Variants in PDE1A observed in about 807,000 individuals in gnomAD.
PDE1A encodes dual specificity calcium/calmodulin-dependent 3',5'-cyclic nucleotide phosphodiesterase 1A.
PDE1A carries 35 observed loss-of-function variants against 61.7 expected under a neutral mutation model. The observed-to-expected ratio is 0.57, with a 90% CI of 0.43 to 0.75. The LOEUF (loss-of-function observed/expected upper bound fraction) is 0.75. Among genes scored for constraint, PDE1A ranks in the 30% least tolerant of loss-of-function variants. The pLI is 0.00. For synonymous variants in PDE1A, 232 were observed against 213.2 expected, an observed-to-expected ratio of 1.09 and a Z score of -0.77; for missense variants, 597 against 630.6, an observed-to-expected ratio of 0.95 and a Z score of 0.57.
At chr2:182,585,250 C>T in the PDE1A span, among the ~76,000 whole-genome samples, 1 of 152,120 alleles carries the variant, frequency 6.6e-6, no homozygotes. Context: ...AAATTAGATT[C>T]GTGATAGCAA....
At chr2:182,310,961 C>A (rs1695928279) in intron 1 of PDE1A, among the ~76,000 whole-genome samples, 1 of 152,196 alleles carries the variant, frequency 6.6e-6, no homozygotes, top group Non-Finnish European at 1.5e-5. Context: ...AAGCGCTCTG[C>A]TTCCATATCT....
chr2:182,677,800 G>A, the PDE1A span, among the ~76,000 whole-genome samples: 2 of 152,150 alleles, frequency 1.3e-5, no homozygotes, highest in Non-Finnish European at 2.9e-5. Flanking sequence ...AATGGTGCTG[G>A]GATAACTGGC....
the PDE1A span, among the ~76,000 whole-genome samples, chr2:182,528,802 G>A: frequency 6.6e-6 from 1 of 152,210 alleles, no homozygotes; most frequent in Non-Finnish European, 1.5e-5. Flanking sequence ...GTACAGCTCA[G>A]GCCATGGCTT....
At chr2:182,235,010 C>G (rs959930032) in intron 3 of PDE1A, among the ~76,000 whole-genome samples, 5 of 152,090 alleles carry the variant, frequency 3.3e-5, no homozygotes, top group African/African-American at 1.2e-4. Flanking sequence ...GGAAATCATA[C>G]TAGCAAAAAT....
chr2:182,357,644 C>T (rs540632363), intron 1 of PDE1A, among the ~76,000 whole-genome samples: 1 of 152,096 alleles, frequency 6.6e-6, no homozygotes, highest in Non-Finnish European at 1.5e-5. Context: ...CACTATTTCA[C>T]ATATATCAAA....
intron 1 of PDE1A, among the ~76,000 whole-genome samples, chr2:182,323,504 T>C (rs1418368607): frequency 6.6e-6 from 1 of 152,092 alleles, no homozygotes; most frequent in South Asian, 2.1e-4. Flanking sequence ...AAGAAAAAAA[T>C]GAATTTTTAA....
chr2:182,449,985 T>C (rs764251893), intron 2 of PDE1A, among the ~76,000 whole-genome samples: 8 of 152,112 alleles, frequency 5.3e-5, no homozygotes, highest in Non-Finnish European at 7.4e-5. Flanking sequence ...GGATCATCCA[T>C]GTAAAGCATT....
intron 1 of PDE1A, among the ~76,000 whole-genome samples, chr2:182,292,936 T>TTTCC (rs981630015): frequency 6.6e-6 from 1 of 152,074 alleles, no homozygotes; most frequent in Non-Finnish European, 1.5e-5. Context: ...CATTGTGAGG[T>TTTCC]TTCCAATTCA....
At chr2:182,638,103 T>C in the PDE1A span, among the ~76,000 whole-genome samples, 1 of 152,222 alleles carries the variant, frequency 6.6e-6, no homozygotes, top group Non-Finnish European at 1.5e-5. Context: ...TAATTAATAA[T>C]ATTGTACAAA....
At chr2:182,458,970 CTTG>C (rs1411252865) in intron 2 of PDE1A, among the ~76,000 whole-genome samples, 1 of 152,052 alleles carries the variant, frequency 6.6e-6, no homozygotes, top group African/African-American at 2.4e-5. Context: ...AATATCTTCT[CTTG>C]TTCTTTTTTA....
At chr2:182,669,650 C>G in the PDE1A span, among the ~76,000 whole-genome samples, 1 of 152,146 alleles carries the variant, frequency 6.6e-6, no homozygotes, top group South Asian at 2.1e-4. Context: ...GTCATTAATT[C>G]TGTTTATAAT....
At chr2:182,574,975 C>A in the PDE1A span, among the ~76,000 whole-genome samples, 3 of 152,230 alleles carry the variant, frequency 2.0e-5, no homozygotes, top group African/African-American at 7.2e-5. Flanking sequence ...CAAGCATGAG[C>A]CACCGTGCCT....
At chr2:182,690,750 G>A in the PDE1A span, among the ~76,000 whole-genome samples, 2 of 152,202 alleles carry the variant, frequency 1.3e-5, no homozygotes, top group Non-Finnish European at 2.9e-5. Context: ...GTCCCTGTCT[G>A]CAGATGACAT....
At chr2:182,685,996 G>A in the PDE1A span, among the ~76,000 whole-genome samples, 989 of 152,134 alleles carry the variant, frequency 6.5e-3, 11 homozygotes, top group African/African-American at 0.023. Context: ...CACATAACGA[G>A]CTTGATTTGA....
At chr2:182,508,917 G>A (rs67259847) in intron 2 of PDE1A, among the ~76,000 whole-genome samples, 44,988 of 144,086 alleles carry the variant, frequency 0.31, 7,392 homozygotes, top group South Asian at 0.38. Context: ...CCACTAACTC[G>A]TCATCTAGCA....
At chr2:182,235,306 A>G (rs1356681907) in intron 3 of PDE1A, among the ~76,000 whole-genome samples, 1 of 151,994 alleles carries the variant, frequency 6.6e-6, no homozygotes, top group African/African-American at 2.4e-5. Flanking sequence ...ACCATGCCCA[A>G]CTAATTTTTG....
chr2:182,711,600 A>G, the PDE1A span, among the ~76,000 whole-genome samples: 54 of 151,870 alleles, frequency 3.6e-4, no homozygotes, highest in Non-Finnish European at 7.5e-4. Context: ...CCATGTAAAT[A>G]CCATTCTTCC....
At chr2:182,645,579 G>A in the PDE1A span, among the ~76,000 whole-genome samples, 1 of 152,062 alleles carries the variant, frequency 6.6e-6, no homozygotes. Context: ...TGGAGAGCTT[G>A]TCAGATATTC....
chr2:182,213,461 A>T (rs2125548465), intron 7 of PDE1A, among the ~76,000 whole-genome samples: 1 of 79,242 alleles, frequency 1.3e-5, no homozygotes, highest in Non-Finnish European at 2.6e-5. Flanking sequence ...AGACGATCAA[A>T]TTACTCTGAG....
Sources: gnomAD v4.1 joint callset for allele counts (sites outside exome capture counted in the v4.1 genomes callset) on GRCh38, gnomAD v4.1.1 for gene constraint, MANE v1.5 for transcripts, NCBI Gene and HGNC (gene_info 2026-07-23, HGNC 2026-07-21) for gene names.